The following MYO5B variants were observed in gnomAD, a reference collection of about 807,000 sequenced individuals.
The protein encoded by MYO5B is unconventional myosin-Vb.
In MYO5B, 143 loss-of-function variants were observed where a neutral mutation model predicts 229.3. That is an observed-to-expected ratio of 0.62 (90% CI 0.54 to 0.72). The LOEUF is 0.72. Among genes scored for constraint, MYO5B ranks in the 30% least tolerant of loss-of-function variants. The pLI is 0.00. For synonymous variants in MYO5B, 918 were observed against 885.2 expected (o/e 1.04, Z -0.66); for missense variants, 2,321 against 2,331.0 (o/e 1.00, Z 0.09).
At chr18:49,886,946 T>C (rs2024649583) in intron 22 of MYO5B, among the ~76,000 whole-genome samples, 1 of 152,280 alleles carries the variant, frequency 6.6e-6, no homozygotes, top group South Asian at 2.1e-4. Context: ...GTAGTTGATA[T>C]GGTTTGGACG....
In MYO5B at chr18:49,904,704, G is replaced by T. The variant is rs368836963; in HGVS notation, c.2539C>A (p.Arg847=). 1 of 1,614,046 alleles carries T rather than the reference G, an allele frequency of 6.2e-7. No homozygotes were observed. Residue 847 remains arginine (R), a synonymous_variant, in exon 20 of 40, where the codon CGG becomes AGG. Transcript: ENST00000285039. The part of the protein sequence containing the change: ...RAAVVIQAFT[R]AMFVRRTYRQ... ...TAGGTTCTCCGCACAAACATGGCCC[G>T]GGTGAAGGCCTGGATAACAACGGCA... is the stretch of plus-strand genomic sequence containing the variant.
At chr18:49,849,537 C>G in intron 32 of MYO5B, 30 bp downstream of exon 32, 1 of 1,520,548 alleles carries the variant, frequency 6.6e-7, no homozygotes, top group Non-Finnish European at 9.1e-7. Context: ...ACCTGTGATT[C>G]ACAAAACACA....
At chr18:49,938,095 T>C (rs1469765082) in intron 14 of MYO5B, among the ~76,000 whole-genome samples, 4 of 152,212 alleles carry the variant, frequency 2.6e-5, no homozygotes, top group Admixed American at 2.6e-4. Context: ...CTTCATTTCC[T>C]TGTGGTGTGG....
intron 4 of MYO5B, among the ~76,000 whole-genome samples, chr18:50,023,613 C>T (rs537414415): frequency 4.5e-4 from 69 of 152,244 alleles, no homozygotes; most frequent in Non-Finnish European, 7.5e-4. Flanking sequence ...GAAAGTCAAT[C>T]AGAATAGTAA....
chr18:49,996,634 A>T (rs2025990562), intron 5 of MYO5B, among the ~76,000 whole-genome samples: 1 of 152,236 alleles, frequency 6.6e-6, no homozygotes, highest in Non-Finnish European at 1.5e-5. Flanking sequence ...AATGGACTGA[A>T]ATAATTTCAA....
At chr18:49,964,592 A>C (rs545572890) in intron 10 of MYO5B, among the ~76,000 whole-genome samples, 2 of 152,272 alleles carry the variant, frequency 1.3e-5, no homozygotes, top group East Asian at 3.9e-4. Context: ...TCAACTGTGT[A>C]ATGTTAGCTT....
At chr18:49,909,204 G>C (rs770541679) in intron 18 of MYO5B, among the ~76,000 whole-genome samples, 8 of 152,236 alleles carry the variant, frequency 5.3e-5, no homozygotes, top group Non-Finnish European at 1.2e-4. Context: ...CTCAGCATGA[G>C]AAGTATGGGT....
intron 1 of MYO5B, among the ~76,000 whole-genome samples, chr18:50,154,139 T>G (rs1033175745): frequency 1.3e-5 from 2 of 151,138 alleles, no homozygotes; most frequent in Admixed American, 1.3e-4. Context: ...GGTCTGTATG[T>G]AGGTGGTATG....
intron 1 of MYO5B, among the ~76,000 whole-genome samples, chr18:50,145,128 C>A (rs2032478982): frequency 6.6e-6 from 1 of 152,108 alleles, no homozygotes; most frequent in Non-Finnish European, 1.5e-5. Context: ...ACCACTCCCA[C>A]CAAAATGGAA....
At chr18:49,994,168 T>C (rs1489580812) in intron 5 of MYO5B, among the ~76,000 whole-genome samples, 1 of 152,154 alleles carries the variant, frequency 6.6e-6, no homozygotes, top group Non-Finnish European at 1.5e-5. Context: ...CCTCCTGCCA[T>C]ATGCTCTTCC....
intron 1 of MYO5B, among the ~76,000 whole-genome samples, chr18:50,058,476 C>G (rs2030606776): frequency 6.6e-6 from 1 of 150,592 alleles, no homozygotes; most frequent in African/African-American, 2.4e-5. Context: ...TCTCAAAAAA[C>G]AAAAAGTAAT....
At chr18:50,078,701 G>A (rs1459754497) in intron 1 of MYO5B, among the ~76,000 whole-genome samples, 2 of 152,074 alleles carry the variant, frequency 1.3e-5, no homozygotes, top group Non-Finnish European at 2.9e-5. Flanking sequence ...CTGAGCATAA[G>A]ACCCACCACA....
intron 2 of MYO5B, among the ~76,000 whole-genome samples, chr18:50,050,762 T>C (rs2030370287): frequency 6.6e-6 from 1 of 152,314 alleles, no homozygotes; most frequent in Non-Finnish European, 1.5e-5. Context: ...CTGCCAGCAC[T>C]GGAGAAATGA....
intron 1 of MYO5B, among the ~76,000 whole-genome samples, chr18:50,160,472 T>C (rs2032748788): frequency 6.6e-6 from 1 of 152,212 alleles, no homozygotes; most frequent in Non-Finnish European, 1.5e-5. Context: ...ATCAGCAACA[T>C]TCTCCACAAG....
At chr18:50,024,530 T>C (rs375184345) in intron 4 of MYO5B, among the ~76,000 whole-genome samples, 36 of 152,380 alleles carry the variant, frequency 2.4e-4, no homozygotes, top group African/African-American at 8.7e-4. Flanking sequence ...TCATCAATCA[T>C]GAATCATTTT....
chr18:49,911,169 T>A lies in MYO5B; in HGVS notation c.2202+893A>T, dbSNP rs182757703. 3.9e-3 allele frequency among the ~76,000 whole-genome samples: 596 copies of A among 152,304 alleles called. 4 individuals carry two copies. The highest frequency in any genetic ancestry group is 3.7e-3 in the Non-Finnish European group (249 of 68,020). ...TTCAGGGCTAGGCCTGGGCTCCACA[T>A]CAGAGCCCTTACCCAGGTGTACCAG... On this transcript the variant is annotated intron_variant, in intron 18 of 39. Transcript: ENST00000285039.
intron 1 of MYO5B, among the ~76,000 whole-genome samples, chr18:50,149,320 A>C (rs1296975224): frequency 2.0e-5 from 3 of 150,880 alleles, no homozygotes; most frequent in Non-Finnish European, 3.0e-5. Flanking sequence ...TCTTCACAGA[A>C]TTGGAAAAAA....
intron 1 of MYO5B, among the ~76,000 whole-genome samples, chr18:50,154,933 A>T (rs983839726): frequency 4.6e-5 from 7 of 152,194 alleles, no homozygotes; most frequent in Non-Finnish European, 8.8e-5. Context: ...CACTCAAAAA[A>T]GTCTGTTTGC....
chr18:50,127,642 G>A (rs1320402701), intron 1 of MYO5B, among the ~76,000 whole-genome samples: 1 of 152,212 alleles, frequency 6.6e-6, no homozygotes, highest in Non-Finnish European at 1.5e-5. Flanking sequence ...AAACCTCACG[G>A]AAGAGGTGGG....
Sources: gnomAD v4.1 joint callset for allele counts (sites outside exome capture counted in the v4.1 genomes callset) on GRCh38, gnomAD v4.1.1 for gene constraint, MANE v1.5 for transcripts, NCBI Gene and HGNC (gene_info 2026-07-23, HGNC 2026-07-21) for gene names.